ATG10: variants seen among roughly 807,000 people sequenced by gnomAD.
The protein encoded by ATG10 is ubiquitin-like-conjugating enzyme ATG10.
A neutral mutation model predicts 32.1 loss-of-function variants in ATG10; 30 were observed. The observed-to-expected ratio is 0.94, with a 90% CI of 0.70 to 1.27. The LOEUF (loss-of-function observed/expected upper bound fraction) is 1.27. Ranked by LOEUF, ATG10 falls within the 50% of genes most tolerant of loss-of-function variation. ATG10 has a pLI of 0.00. For missense variants in ATG10, 233 were observed against 262.3 expected, an observed-to-expected ratio of 0.89 and a Z score of 0.77; for synonymous variants, 87 against 91.5, an observed-to-expected ratio of 0.95 and a Z score of 0.28.
At chr5:82,032,536 G>A (rs554818507) in intron 2 of ATG10, among the ~76,000 whole-genome samples, 181 of 151,986 alleles carry the variant, frequency 1.2e-3, no homozygotes, top group African/African-American at 4.2e-3. Context: ...CATAAGGAAA[G>A]CACATATGCT....
At chr5:82,037,234 CTTTTTTTTTTTTTTTTTTT>C (rs1166784267) in intron 2 of ATG10, among the ~76,000 whole-genome samples, 2 of 36,930 alleles carry the variant, frequency 5.4e-5, no homozygotes, top group Non-Finnish European at 9.7e-5. Flanking sequence ...ATCTCATTTA[CTTTTTTTTTTTTTTTTTTT>C]TTTTTTTTTT....
chr5:82,164,324 C>A, intron 3 of ATG10, 75 bp from the exon 4 acceptor site: 18 of 1,164,074 alleles, frequency 1.5e-5, no homozygotes, highest in Admixed American at 8.6e-5. Flanking sequence ...AGAAGAAAAT[C>A]TCCTCTTTTC....
chr5:82,064,624 T>C (rs1275204574), intron 3 of ATG10, among the ~76,000 whole-genome samples: 2 of 152,176 alleles, frequency 1.3e-5, no homozygotes, highest in Non-Finnish European at 2.9e-5. Context: ...AAATAATACT[T>C]ATCATGGTCA....
chr5:82,194,553 GA>G (rs1364426702), intron 5 of ATG10, among the ~76,000 whole-genome samples: 8 of 150,870 alleles, frequency 5.3e-5, no homozygotes, highest in South Asian at 2.1e-4. Context: ...AAGTTGCTCA[GA>G]AAAAAAAAGT....
chr5:82,113,281 A>G (rs1357303275), intron 3 of ATG10, among the ~76,000 whole-genome samples: 1 of 152,010 alleles, frequency 6.6e-6, no homozygotes, highest in African/African-American at 2.4e-5. Flanking sequence ...GATCAGAAGC[A>G]TATTTTGCCT....
At chr5:82,166,888 C>G (rs983544490) in intron 4 of ATG10, among the ~76,000 whole-genome samples, 8 of 152,070 alleles carry the variant, frequency 5.3e-5, no homozygotes, top group African/African-American at 1.4e-4. Context: ...TTTATAATTT[C>G]TTTTGCATTT....
chr5:82,124,249 C>T (rs567153052), intron 3 of ATG10, among the ~76,000 whole-genome samples: 154 of 151,310 alleles, frequency 1.0e-3, no homozygotes, highest in African/African-American at 1.2e-3. Flanking sequence ...GTGATCTGCC[C>T]GCCTTGGCCT....
chr5:82,018,125 A>G (rs897317167), intron 2 of ATG10, among the ~76,000 whole-genome samples: 2 of 152,182 alleles, frequency 1.3e-5, no homozygotes, highest in African/African-American at 4.8e-5. Context: ...CGAAGCTAAC[A>G]TGTCCAGAAT....
chr5:82,246,074 T>C (rs1459745084), intron 5 of ATG10, among the ~76,000 whole-genome samples: 2 of 147,856 alleles, frequency 1.4e-5, no homozygotes, highest in Non-Finnish European at 3.0e-5. Flanking sequence ...TACTGACCTT[T>C]TTTTTTTTTT....
chr5:82,165,178 G>T (rs535546123), intron 4 of ATG10, among the ~76,000 whole-genome samples: 1 of 152,254 alleles, frequency 6.6e-6, no homozygotes, highest in East Asian at 1.9e-4. Context: ...ATGGCTTCCC[G>T]CTTAGAGTCC....
intron 5 of ATG10, among the ~76,000 whole-genome samples, chr5:82,215,347 A>G (rs1337757740): frequency 6.6e-6 from 1 of 152,216 alleles, no homozygotes; most frequent in Non-Finnish European, 1.5e-5. Flanking sequence ...TTTGTAACCT[A>G]GTAATGGAAG....
At chr5:82,129,671 A>G (rs2149839695) in intron 3 of ATG10, among the ~76,000 whole-genome samples, 1 of 152,220 alleles carries the variant, frequency 6.6e-6, no homozygotes, top group South Asian at 2.1e-4. Flanking sequence ...TCACCAGCGG[A>G]GGCTGCAGAA....
At chr5:82,019,176 A>G (rs899784161) in intron 2 of ATG10, among the ~76,000 whole-genome samples, 1 of 152,202 alleles carries the variant, frequency 6.6e-6, no homozygotes, top group African/African-American at 2.4e-5. Context: ...ACAAGTCAGT[A>G]TTCCTTTTTT....
intron 5 of ATG10, among the ~76,000 whole-genome samples, chr5:82,235,322 A>G (rs1746512519): frequency 6.6e-6 from 1 of 152,182 alleles, no homozygotes; most frequent in Non-Finnish European, 1.5e-5. Flanking sequence ...ATGGTCAACA[A>G]GCAACCCCAA....
At chr5:82,039,186 G>A (rs1451398680) in intron 2 of ATG10, among the ~76,000 whole-genome samples, 2 of 152,072 alleles carry the variant, frequency 1.3e-5, no homozygotes, top group African/African-American at 2.4e-5. Context: ...TCAAGCTTTG[G>A]GAAAAAGTTA....
chr5:82,123,869 G>A (rs1262583674), intron 3 of ATG10, among the ~76,000 whole-genome samples: 3 of 151,828 alleles, frequency 2.0e-5, no homozygotes, highest in South Asian at 2.1e-4. Context: ...CTAGGAGGTC[G>A]AGGCTGTGAT....
rs148989759 is a variant in ATG10, at chr5:82,252,630, T to A, written c.522T>A (p.Pro174=). ...GCAAGACGAATGAATTCATGACTCC[T>A]GTATTAAAGAATTCTCAGAAAATCA... The part of the protein sequence containing the change: ...HPCKTNEFMT[P]VLKNSQKINK... Residue 174 remains proline (P), a synonymous_variant, in exon 6 of 8, where the codon CCT becomes CCA. Transcript: ENST00000282185. 8.2e-4 allele frequency: 1,309 copies of A among 1,600,378 alleles called. No homozygotes were observed. Among genetic ancestry groups the A allele is most frequent in the Non-Finnish European group, 1.1e-3 (1,266 of 1,173,632 alleles).
chr5:82,108,737 T>C (rs969256131), intron 3 of ATG10, among the ~76,000 whole-genome samples: 1 of 151,946 alleles, frequency 6.6e-6, no homozygotes, highest in Non-Finnish European at 1.5e-5. Context: ...TACAAAGGTA[T>C]AAAATATTTA....
chr5:82,157,221 G>A (rs1294289106), intron 3 of ATG10, among the ~76,000 whole-genome samples: 3 of 152,088 alleles, frequency 2.0e-5, no homozygotes, highest in Non-Finnish European at 4.4e-5. Context: ...GGAGAGTAAA[G>A]AATGGCACCT....
Sources: allele counts gnomAD v4.1 joint callset (sites outside exome capture counted in the v4.1 genomes callset), GRCh38; gene constraint gnomAD v4.1.1; transcripts MANE v1.5; gene names NCBI Gene and HGNC (gene_info 2026-07-23, HGNC 2026-07-21).